Variants in HHAT observed in about 807,000 individuals in gnomAD.
HHAT encodes protein-cysteine N-palmitoyltransferase HHAT.
HHAT carries 47 observed loss-of-function variants against 70.8 expected under a neutral mutation model. The observed-to-expected ratio is 0.66, with a 90% CI of 0.53 to 0.85. The LOEUF (loss-of-function observed/expected upper bound fraction) is 0.85. Among genes scored for constraint, HHAT ranks in the 40% least tolerant of loss-of-function variants. The pLI, the probability that HHAT is intolerant of heterozygous loss-of-function variation, is 0.00. For missense variants in HHAT, 609 were observed against 604.8 expected, an observed-to-expected ratio of 1.01 and a Z score of -0.07; for synonymous variants, 228 against 247.6, an observed-to-expected ratio of 0.92 and a Z score of 0.74.
chr1:210,455,299 C>T (rs2093840613), intron 7 of HHAT, among the ~76,000 whole-genome samples: 1 of 152,218 alleles, frequency 6.6e-6, no homozygotes, highest in Admixed American at 6.5e-5. Context: ...TGAAACAACT[C>T]AAAGAGCAAA....
At chr1:210,584,500 A>G (rs1167049800) in intron 9 of HHAT, among the ~76,000 whole-genome samples, 7 of 152,226 alleles carry the variant, frequency 4.6e-5, no homozygotes, top group African/African-American at 1.4e-4. Flanking sequence ...ATTGTGGCCC[A>G]TTTTTTGCCT....
At position 210,384,990 on chromosome 1, in the gene HHAT, A is replaced by G. The variant is rs2090931542; in HGVS notation, c.160-2478A>G. On this transcript the variant is annotated intron_variant, in intron 3 of 11. Coordinates refer to ENST00000261458, the MANE Select transcript of HHAT (RefSeq NM_018194.6). ...GAGAGAGACATTTTTATTTCCTTTA[A>G]ATGAATGTTTTCTGTGATAATTAGA... 3.9e-5 allele frequency among the ~76,000 whole-genome samples: 6 copies of G among 152,250 alleles called. No individual in the cohort carries two copies. The South Asian group carries it at 1.2e-3, about 32-fold the overall frequency.
intron 9 of HHAT, among the ~76,000 whole-genome samples, chr1:210,518,622 A>G (rs1002433600): frequency 6.6e-6 from 1 of 152,144 alleles, no homozygotes; most frequent in African/African-American, 2.4e-5. Flanking sequence ...GCAAAATCCC[A>G]TCTCTACTGA....
intron 4 of HHAT, among the ~76,000 whole-genome samples, chr1:210,395,099 A>T (rs2091707408): frequency 6.6e-6 from 1 of 152,132 alleles, no homozygotes; most frequent in South Asian, 2.1e-4. Flanking sequence ...GATTCCCTTT[A>T]TTATTTTCCG....
intron 4 of HHAT, among the ~76,000 whole-genome samples, chr1:210,398,639 C>T (rs1278392544): frequency 6.6e-6 from 1 of 152,162 alleles, no homozygotes; most frequent in Non-Finnish European, 1.5e-5. Flanking sequence ...CCAAAGGGAT[C>T]AAATAGCACT....
At chr1:210,413,488 G>C (rs1025154898) in intron 6 of HHAT, among the ~76,000 whole-genome samples, 2 of 152,142 alleles carry the variant, frequency 1.3e-5, no homozygotes, top group Admixed American at 1.3e-4. Flanking sequence ...TAACAATTTT[G>C]TCTTTAAATC....
chr1:210,387,022 GA>G (rs879533315), intron 3 of HHAT, among the ~76,000 whole-genome samples: 2 of 152,206 alleles, frequency 1.3e-5, no homozygotes, highest in African/African-American at 2.4e-5. Context: ...ATTTCTCAGT[GA>G]AAATATCTAG....
At chr1:210,486,258 A>G (rs374566358) in intron 8 of HHAT, among the ~76,000 whole-genome samples, 67 of 152,308 alleles carry the variant, frequency 4.4e-4, no homozygotes, top group Middle Eastern at 3.4e-3. Flanking sequence ...ACATAAAAAC[A>G]AAGTATTCTC....
At chr1:210,384,129 C>T (rs1016130444) in intron 3 of HHAT, among the ~76,000 whole-genome samples, 1 of 152,182 alleles carries the variant, frequency 6.6e-6, no homozygotes, top group Admixed American at 6.5e-5. Flanking sequence ...TTTGCTAGGA[C>T]GTTAGAGTTA....
intron 9 of HHAT, among the ~76,000 whole-genome samples, chr1:210,582,360 T>C (rs948259069): frequency 6.6e-6 from 1 of 152,042 alleles, no homozygotes; most frequent in African/African-American, 2.4e-5. Flanking sequence ...GGTAAGTGAT[T>C]ACAGGAAACC....
At chr1:210,439,484 T>G (rs939116718) in intron 7 of HHAT, 1 of 151,786 alleles carries the variant, frequency 6.6e-6, no homozygotes, top group Non-Finnish European at 1.5e-5. Context: ...TGCTGGTAAG[T>G]GTGCTCATAT....
In HHAT at chr1:210,474,321, C is replaced by T. The variant is rs533679133; in HGVS notation, c.1007+9666C>T. 1.2e-4 allele frequency among the ~76,000 whole-genome samples: 18 copies of T among 152,270 alleles called. No individual in the cohort carries two copies. In the East Asian group the frequency reaches 2.1e-3, roughly 18 times the overall value. On this transcript the variant is annotated intron_variant, in intron 8 of 11. Transcript: ENST00000261458. Reference sequence around the variant, plus strand: ...TTATTTATTTTCTGAGACAGGCTCTCGCTCTGTTGCCGAGGCTAGATTGCA... The same window carrying T: ...TTATTTATTTTCTGAGACAGGCTCTTGCTCTGTTGCCGAGGCTAGATTGCA...
At chr1:210,573,141 A>T (rs1427497013) in intron 9 of HHAT, among the ~76,000 whole-genome samples, 2 of 152,216 alleles carry the variant, frequency 1.3e-5, no homozygotes, top group African/African-American at 4.8e-5. Context: ...ATCTATGCTT[A>T]TGTCCCAAAT....
At chr1:210,471,839 T>G (rs1289245809) in intron 8 of HHAT, among the ~76,000 whole-genome samples, 1 of 152,226 alleles carries the variant, frequency 6.6e-6, no homozygotes, top group Non-Finnish European at 1.5e-5. Flanking sequence ...AGAAGTTTTT[T>G]GCAGATTTAA....
At chr1:210,372,539 A>C (rs549710175) in intron 3 of HHAT, among the ~76,000 whole-genome samples, 4 of 152,276 alleles carry the variant, frequency 2.6e-5, no homozygotes, top group African/African-American at 9.6e-5. Context: ...TTAGGTAGGG[A>C]AGTACAAAAC....
intron 2 of HHAT, among the ~76,000 whole-genome samples, chr1:210,351,416 A>G (rs1197781578): frequency 6.6e-6 from 1 of 152,242 alleles, no homozygotes; most frequent in Admixed American, 6.5e-5. Context: ...GGCCTGGTCA[A>G]GTTGACACAT....
At chr1:210,376,182 G>A (rs577700674) in intron 3 of HHAT, among the ~76,000 whole-genome samples, 28 of 152,016 alleles carry the variant, frequency 1.8e-4, no homozygotes, top group Admixed American at 6.6e-4. Context: ...TCTTTCTTAT[G>A]TAATCTACTT....
At position 210,419,274 on chromosome 1, in the gene HHAT, T is replaced by TC. The variant is rs572230404; in HGVS notation, c.856+953dup. On this transcript the variant is annotated intron_variant, in intron 7 of 11. Coordinates refer to ENST00000261458, the MANE Select transcript of HHAT (RefSeq NM_018194.6). ...GCGTGTGTGTATTTCCCTCTGTAGA[T>TC]CCCCTTTCCTTATCTACCCTTTCCT... Among the ~76,000 whole-genome samples, 35 of 152,264 alleles carry TC rather than the reference T, an allele frequency of 2.3e-4. No homozygotes were observed. In the East Asian group the frequency reaches 6.8e-3, roughly 29 times the overall value.
At chr1:210,649,700 C>T (rs2148930881) in intron 11 of HHAT, among the ~76,000 whole-genome samples, 1 of 152,352 alleles carries the variant, frequency 6.6e-6, no homozygotes, top group Non-Finnish European at 1.5e-5. Context: ...TCATGTCCCA[C>T]TTACGGGTAA....
Sources: allele counts gnomAD v4.1 joint callset (sites outside exome capture counted in the v4.1 genomes callset), GRCh38; gene constraint gnomAD v4.1.1; transcripts MANE v1.5; gene names NCBI Gene and HGNC (gene_info 2026-07-23, HGNC 2026-07-21).